Variants in NBDY observed in about 807,000 individuals in gnomAD.
NBDY encodes the protein P-body dissociating protein.
At chrX:56,756,226 G>A (rs2146720795) in intron 2 of NBDY, among the ~76,000 whole-genome samples, 1 of 107,580 alleles carries the variant, frequency 9.3e-6, no homozygotes, top group African/African-American at 3.4e-5. Flanking sequence ...CACCAGCATG[G>A]CACATGTATA....
intron 2 of NBDY, among the ~76,000 whole-genome samples, chrX:56,786,648 C>A (rs915152233): frequency 9.2e-6 from 1 of 108,182 alleles, no homozygotes; most frequent in East Asian, 2.9e-4. Flanking sequence ...TCTTCTTTTT[C>A]TTCTTCTTCT....
intron 2 of NBDY, among the ~76,000 whole-genome samples, chrX:56,814,035 GT>G (rs1361737606): frequency 2.1e-4 from 23 of 110,537 alleles, no homozygotes; most frequent in African/African-American, 6.9e-4. Flanking sequence ...ATCAGTTTCA[GT>G]TTTTTTCTTT....
At chrX:56,813,828 C>A (rs181015625) in intron 2 of NBDY, among the ~76,000 whole-genome samples, 131 of 111,541 alleles carry the variant, frequency 1.2e-3, no homozygotes, top group African/African-American at 4.0e-3. Flanking sequence ...GGTCAAACTG[C>A]TTAAAAACTT....
At chrX:56,801,944 A>G (rs1163763448) in intron 2 of NBDY, among the ~76,000 whole-genome samples, 2 of 105,872 alleles carry the variant, frequency 1.9e-5, no homozygotes, top group Non-Finnish European at 3.9e-5. Flanking sequence ...ACACAAAGAC[A>G]TACACTAACA....
intron 2 of NBDY, among the ~76,000 whole-genome samples, chrX:56,781,318 T>G (rs1689337851): frequency 1.8e-5 from 2 of 111,878 alleles, no homozygotes; most frequent in Admixed American, 1.9e-4. Context: ...TCCTGTTCAT[T>G]TTTCTTATTG....
chrX:56,742,977 T>C (rs2069538707), intron 2 of NBDY, among the ~76,000 whole-genome samples: 1 of 111,418 alleles, frequency 9.0e-6, no homozygotes, highest in African/African-American at 3.3e-5. Context: ...ATATGGGTTT[T>C]ATTATGTTGA....
chrX:56,783,761 A>T (rs4826507), intron 2 of NBDY, among the ~76,000 whole-genome samples: 60,280 of 111,849 alleles, frequency 0.54, 14,218 homozygotes, highest in Non-Finnish European at 0.74. Flanking sequence ...CACAGATGAC[A>T]GTCACGTCTT....
intron 2 of NBDY, among the ~76,000 whole-genome samples, chrX:56,736,126 C>CA (rs1325556550): frequency 9.0e-6 from 1 of 111,707 alleles, no homozygotes; most frequent in African/African-American, 3.3e-5. Flanking sequence ...CTGCCGCACG[C>CA]AGCAATGACT....
intron 2 of NBDY, among the ~76,000 whole-genome samples, chrX:56,807,357 CAG>C (rs1314747044): frequency 9.0e-6 from 1 of 111,510 alleles, no homozygotes; most frequent in African/African-American, 3.3e-5. Context: ...TGAAGAGAGT[CAG>C]GGGTAGCTTG....
At chrX:56,796,690 G>C (rs1057274652) in intron 2 of NBDY, among the ~76,000 whole-genome samples, 1 of 110,561 alleles carries the variant, frequency 9.0e-6, no homozygotes, top group Non-Finnish European at 1.9e-5. Flanking sequence ...GTCCTTCCCT[G>C]CCTTGGCCTT....
At chrX:56,805,315 C>T (rs2069843299) in intron 2 of NBDY, among the ~76,000 whole-genome samples, 1 of 112,280 alleles carries the variant, frequency 8.9e-6, no homozygotes, top group Non-Finnish European at 1.9e-5. Flanking sequence ...GTCAGAGGTC[C>T]TCATTTTTAA....
intron 2 of NBDY, among the ~76,000 whole-genome samples, chrX:56,817,089 A>G (rs934616722): frequency 2.7e-5 from 3 of 111,500 alleles, no homozygotes; most frequent in African/African-American, 9.8e-5. Flanking sequence ...CACCTAACAG[A>G]TAAATTATTT....
intron 2 of NBDY, among the ~76,000 whole-genome samples, chrX:56,784,282 C>T (rs907660309): frequency 1.8e-5 from 2 of 111,958 alleles, no homozygotes; most frequent in South Asian, 3.8e-4. Flanking sequence ...AACAGGCTTC[C>T]GCACATTGTT....
At chrX:56,797,502 G>A (rs1031678718) in intron 2 of NBDY, among the ~76,000 whole-genome samples, 4 of 110,311 alleles carry the variant, frequency 3.6e-5, no homozygotes, top group Non-Finnish European at 7.6e-5. Context: ...CACCAGTTCA[G>A]TCCTTCTTTT....
chrX:56,803,620 G>T (rs1478396213), intron 2 of NBDY, among the ~76,000 whole-genome samples: 1 of 110,923 alleles, frequency 9.0e-6, no homozygotes, highest in Non-Finnish European at 1.9e-5. Flanking sequence ...CGCGATGGGG[G>T]AAACTCTGGC....
At chrX:56,799,981 G>A (rs1417208742) in intron 2 of NBDY, among the ~76,000 whole-genome samples, 1 of 109,583 alleles carries the variant, frequency 9.1e-6, no homozygotes. Context: ...AGCACCGGGG[G>A]CAGTGTGAGG....
chrX:56,745,347 C>T (rs146290672), intron 2 of NBDY, among the ~76,000 whole-genome samples: 8 of 110,652 alleles, frequency 7.2e-5, no homozygotes, highest in Non-Finnish European at 1.3e-4. Context: ...GAGGGGGGAC[C>T]ACTTTAGATT....
At chrX:56,811,710 G>A (rs967946271) in intron 2 of NBDY, among the ~76,000 whole-genome samples, 124 of 112,068 alleles carry the variant, frequency 1.1e-3, no homozygotes, top group African/African-American at 3.8e-3. Context: ...GTTGGGACCC[G>A]CCGAGCCAGA....
At chrX:56,764,987 C>A (rs1057000364) in intron 2 of NBDY, among the ~76,000 whole-genome samples, 1 of 112,706 alleles carries the variant, frequency 8.9e-6, no homozygotes, top group Non-Finnish European at 1.9e-5. Flanking sequence ...AGGCACTTTG[C>A]ATTGCAGTTC....
Sources: allele counts gnomAD v4.1 joint callset (sites outside exome capture counted in the v4.1 genomes callset), GRCh38; gene constraint gnomAD v4.1.1; transcripts MANE v1.5; gene names NCBI Gene and HGNC (gene_info 2026-07-23, HGNC 2026-07-21).